Variants in TDRD12 observed in about 807,000 individuals in gnomAD.
TDRD12 encodes the protein tudor domain containing 12.
In TDRD12, 158 loss-of-function variants were observed where a neutral mutation model predicts 133.5. The ratio of observed to expected loss-of-function variants is 1.18; its 90% CI spans 1.04 to 1.35. The LOEUF is 1.35. Ranked by LOEUF, TDRD12 falls within the 40% of genes most tolerant of loss-of-function variation. The pLI is 0.00. For missense variants in TDRD12, 1,443 were observed against 1,321.3 expected (o/e 1.09, Z -1.43); for synonymous variants, 460 against 477.9 (o/e 0.96, Z 0.49).
At chr19:32,749,983 A>T in intron 6 of TDRD12, 114 bp downstream of exon 6, 11 of 783,970 alleles carry the variant, frequency 1.4e-5, no homozygotes, top group Non-Finnish European at 1.2e-5. Context: ...AAATTGTCTT[A>T]ATCTCTTAAG....
At chr19:32,763,805 T>C (rs1466328797) in intron 8 of TDRD12, among the ~76,000 whole-genome samples, 1 of 152,180 alleles carries the variant, frequency 6.6e-6, no homozygotes, top group Non-Finnish European at 1.5e-5. Flanking sequence ...TCACTCCTGG[T>C]CCCATAGAAG....
At chr19:32,816,330 C>T (rs578123758) in intron 26 of TDRD12, among the ~76,000 whole-genome samples, 23 of 152,308 alleles carry the variant, frequency 1.5e-4, no homozygotes, top group Admixed American at 1.5e-3. Flanking sequence ...TACTCCCCCT[C>T]CCCAAGAGGA....
intron 1 of TDRD12, among the ~76,000 whole-genome samples, chr19:32,729,778 CTTTT>C (rs1162347194): frequency 1.4e-5 from 1 of 73,678 alleles, no homozygotes; most frequent in African/African-American, 5.8e-5. Flanking sequence ...TTTTCTTTTT[CTTTT>C]TTTTTTTTTT....
intron 1 of TDRD12, among the ~76,000 whole-genome samples, chr19:32,721,852 C>G (rs1278479285): frequency 6.6e-6 from 1 of 151,258 alleles, no homozygotes; most frequent in Non-Finnish European, 1.5e-5. Flanking sequence ...GGACTACAGG[C>G]GGCCACCACC....
chr19:32,730,884 G>A (rs780761681), intron 1 of TDRD12, among the ~76,000 whole-genome samples: 7 of 152,038 alleles, frequency 4.6e-5, no homozygotes, highest in Non-Finnish European at 7.4e-5. Context: ...GCATTGTGGC[G>A]CACGCTTGTA....
chr19:32,818,427 C>T (rs1967261712), intron 27 of TDRD12, among the ~76,000 whole-genome samples: 1 of 152,132 alleles, frequency 6.6e-6, no homozygotes, highest in African/African-American at 2.4e-5. Flanking sequence ...GGGTTTTGAG[C>T]AGAGGAGTGA....
intron 13 of TDRD12, among the ~76,000 whole-genome samples, chr19:32,793,165 A>G (rs1971119413): frequency 6.7e-6 from 1 of 148,638 alleles, no homozygotes; most frequent in Non-Finnish European, 1.5e-5. Flanking sequence ...CAGCCTGGGC[A>G]CAGAACGAGA....
chr19:32,820,551 C>T (rs749582868), intron 27 of TDRD12, among the ~76,000 whole-genome samples: 3 of 152,148 alleles, frequency 2.0e-5, no homozygotes, highest in Non-Finnish European at 2.9e-5. Flanking sequence ...GAATTTAGTA[C>T]GTTCCCATAT....
exon 11 of TDRD12, chr19:32,777,205 A>G (rs1007827990): frequency 1.2e-5 from 19 of 1,543,124 alleles, no homozygotes; most frequent in Non-Finnish European, 1.7e-5. Context: ...AAGAAAGAAT[A>G]TGATGAGAAG....
chr19:32,828,338 C>T (rs554605585), exon 10 of TDRD12: 7 of 152,310 alleles, frequency 4.6e-5, no homozygotes, highest in Non-Finnish European at 5.9e-5. Flanking sequence ...GCCTACATGT[C>T]GTGAGCCCTG....
At position 32,793,419 on chromosome 19, in the gene TDRD12, G is replaced by A. The variant is rs191794033; in HGVS notation, c.1288-1209G>A. ...GACCACATGGGTTTGCAGACAAAAG[G>A]TGATGGTGAAGGATGATACCAGGAT... On this transcript the variant is annotated intron_variant, in intron 13 of 27. Coordinates refer to ENST00000444215, the Ensembl canonical transcript of TDRD12. 5.9e-5 allele frequency among the ~76,000 whole-genome samples: 9 copies of A among 152,248 alleles called. No individual in the cohort carries two copies. In the East Asian group the frequency reaches 1.5e-3, roughly 26 times the overall value.
At chr19:32,782,716 A>G (rs1278540304) in intron 11 of TDRD12, among the ~76,000 whole-genome samples, 1 of 152,238 alleles carries the variant, frequency 6.6e-6, no homozygotes, top group Admixed American at 6.5e-5. Flanking sequence ...TCTAATGACC[A>G]GTGATGATGA....
intron 8 of TDRD12, among the ~76,000 whole-genome samples, chr19:32,772,152 G>C (rs1253657633): frequency 2.0e-5 from 3 of 152,198 alleles, no homozygotes; most frequent in Non-Finnish European, 4.4e-5. Context: ...GAGGACTCAG[G>C]CACGTTCTGG....
rs936331478 is a variant in TDRD12 at position 32,778,005 on chromosome 19, C to T, written c.1121+776C>T. ...GGATTGCAGGCATGACCACAGCTTC[C>T]AGCCTCATGCCATTTTTATACTTTT... On this transcript the variant is annotated intron_variant, in intron 11 of 27. Coordinates refer to ENST00000444215, the Ensembl canonical transcript of TDRD12. Among the ~76,000 whole-genome samples the T allele has an allele frequency of 2.7e-5, 4 of 150,556 alleles. No individual in the cohort carries two copies. The East Asian group carries it at 5.8e-4, about 22-fold the overall frequency.
intron 1 of TDRD12, among the ~76,000 whole-genome samples, chr19:32,727,413 A>G (rs1223198427): frequency 6.6e-6 from 1 of 152,170 alleles, no homozygotes; most frequent in East Asian, 1.9e-4. Flanking sequence ...CCATTCCATA[A>G]GTTGACTTTC....
chr19:32,761,260 C>T (rs1057465418), intron 8 of TDRD12, among the ~76,000 whole-genome samples: 1 of 152,286 alleles, frequency 6.6e-6, no homozygotes, highest in African/African-American at 2.4e-5. Context: ...GGACTACAGG[C>T]GCCCGCCACC....
chr19:32,810,948 C>A (rs1251277126), intron 23 of TDRD12, among the ~76,000 whole-genome samples: 1 of 152,052 alleles, frequency 6.6e-6, no homozygotes, highest in African/African-American at 2.4e-5. Context: ...AACTTTGAGA[C>A]TTTAATTTGC....
chr19:32,721,185 T>TG (rs1251677102), intron 1 of TDRD12, among the ~76,000 whole-genome samples: 2 of 152,086 alleles, frequency 1.3e-5, no homozygotes, highest in African/African-American at 2.4e-5. Flanking sequence ...CCTGGACCCT[T>TG]GCTTTTCCCC....
chr19:32,738,812 C>CA, intron 2 of TDRD12, 44 bp from the exon 3 acceptor site: 1 of 1,541,482 alleles, frequency 6.5e-7, no homozygotes, highest in African/African-American at 1.4e-5. Context: ...CACTCTGTCT[C>CA]AAAAAAATAA....
Sources: allele counts gnomAD v4.1 joint callset (sites outside exome capture counted in the v4.1 genomes callset), GRCh38; gene constraint gnomAD v4.1.1; transcripts MANE v1.5; gene names NCBI Gene and HGNC (gene_info 2026-07-23, HGNC 2026-07-21).